CHRM3: variants seen among roughly 807,000 people sequenced by gnomAD.
The protein encoded by CHRM3 is muscarinic acetylcholine receptor M3.
CHRM3 carries 11 observed loss-of-function variants against 41.8 expected under a neutral mutation model. The ratio of observed to expected loss-of-function variants is 0.26; its 90% CI spans 0.17 to 0.44. The LOEUF is 0.44. Among genes scored for constraint, CHRM3 ranks in the 20% least tolerant of loss-of-function variants. CHRM3 has a pLI of 1.00. For missense variants in CHRM3, 571 were observed against 745.4 expected (o/e 0.77, Z 2.72); for synonymous variants, 297 against 301.4 (o/e 0.99, Z 0.15).
intron 5 of CHRM3, among the ~76,000 whole-genome samples, chr1:239,697,095 A>G (rs1660265085): frequency 6.6e-6 from 1 of 152,188 alleles, no homozygotes; most frequent in Non-Finnish European, 1.5e-5. Flanking sequence ...CATGAAGTAA[A>G]GTAAATATGC....
At chr1:239,585,828 G>T (rs545268850) in intron 3 of CHRM3, among the ~76,000 whole-genome samples, 1 of 152,188 alleles carries the variant, frequency 6.6e-6, no homozygotes. Context: ...AGAGCATGCA[G>T]TGAGAAAGAA....
At chr1:239,533,914 C>G (rs1206831188) in intron 2 of CHRM3, among the ~76,000 whole-genome samples, 1 of 152,062 alleles carries the variant, frequency 6.6e-6, no homozygotes, top group Admixed American at 6.6e-5. Context: ...TGGGTGAGGA[C>G]ACAGCCAAAC....
chr1:239,670,836 T>C (rs1309447214), intron 4 of CHRM3, among the ~76,000 whole-genome samples: 1 of 152,070 alleles, frequency 6.6e-6, no homozygotes, highest in Non-Finnish European at 1.5e-5. Context: ...TTGGGGTGAC[T>C]GTGGATAGTT....
chr1:239,521,239 C>T lies in CHRM3; in HGVS notation c.-421-24402C>T, dbSNP rs1669618072. ...CAGTTGCCAATATATAGACCAGTTT[C>T]AGGCTCTCCAGTGGTGGACAGATGG... On this transcript the variant is annotated intron_variant, in intron 2 of 6. Coordinates refer to ENST00000676153, the MANE Select transcript of CHRM3 (RefSeq NM_001375978.1). 3.9e-5 allele frequency among the ~76,000 whole-genome samples: 6 copies of T among 152,184 alleles called. No homozygotes were observed. In the South Asian group the frequency reaches 1.2e-3, roughly 31 times the overall value.
chr1:239,687,916 T>G (rs76026452), intron 5 of CHRM3, among the ~76,000 whole-genome samples: 7,746 of 152,200 alleles, frequency 0.051, 226 homozygotes, highest in East Asian at 0.076. Flanking sequence ...CACACAATAA[T>G]GAAATTACCT....
At chr1:239,804,353 A>G (rs1255998532) in intron 5 of CHRM3, among the ~76,000 whole-genome samples, 2 of 116,728 alleles carry the variant, frequency 1.7e-5, no homozygotes, top group Non-Finnish European at 3.9e-5. Context: ...TTTTTTTTTT[A>G]TTATTATTCA....
chr1:239,621,794 A>G (rs965582846), intron 3 of CHRM3, among the ~76,000 whole-genome samples: 1 of 152,194 alleles, frequency 6.6e-6, no homozygotes, highest in Non-Finnish European at 1.5e-5. Flanking sequence ...TAAAATTACA[A>G]GGTGAAGCAG....
intron 1 of CHRM3, among the ~76,000 whole-genome samples, chr1:239,464,192 A>T (rs1211926436): frequency 6.6e-6 from 1 of 151,706 alleles, no homozygotes; most frequent in East Asian, 1.9e-4. Context: ...AGGTATGAGA[A>T]TCACTTGAAC....
chr1:239,720,404 A>G (rs911745253), intron 5 of CHRM3, among the ~76,000 whole-genome samples: 9 of 151,984 alleles, frequency 5.9e-5, no homozygotes, highest in Non-Finnish European at 1.3e-4. Flanking sequence ...CTGCCTCTGA[A>G]ACCCCAAAAA....
chr1:239,574,828 C>T (rs1404824214), intron 3 of CHRM3, among the ~76,000 whole-genome samples: 1 of 151,748 alleles, frequency 6.6e-6, no homozygotes, highest in Non-Finnish European at 1.5e-5. Context: ...TCCTCCTCCT[C>T]TTCTTATTTT....
At chr1:239,456,094 C>T (rs375692799) in intron 1 of CHRM3, among the ~76,000 whole-genome samples, 1 of 152,136 alleles carries the variant, frequency 6.6e-6, no homozygotes, top group Non-Finnish European at 1.5e-5. Context: ...CATCTGATGC[C>T]GTGATCCTGG....
chr1:239,550,726 TACTA>T (rs1244018513), intron 3 of CHRM3, among the ~76,000 whole-genome samples: 6 of 152,214 alleles, frequency 3.9e-5, no homozygotes, highest in African/African-American at 1.2e-4. Flanking sequence ...TATCTGACTC[TACTA>T]ACTACCTTCT....
At chr1:239,710,308 T>C (rs1040963001) in intron 5 of CHRM3, among the ~76,000 whole-genome samples, 1 of 152,274 alleles carries the variant, frequency 6.6e-6, no homozygotes. Flanking sequence ...ACTACATCCA[T>C]ATTGTGGAAG....
intron 1 of CHRM3, among the ~76,000 whole-genome samples, chr1:239,420,561 A>G (rs548080956): frequency 1.3e-5 from 2 of 152,330 alleles, no homozygotes; most frequent in South Asian, 4.1e-4. Flanking sequence ...ATTAAGGAAC[A>G]TTATATTTTG....
chr1:239,527,840 T>A (rs1670099734), intron 2 of CHRM3, among the ~76,000 whole-genome samples: 2 of 152,258 alleles, frequency 1.3e-5, no homozygotes, highest in African/African-American at 4.8e-5. Context: ...TATTTAAATC[T>A]ATGTTATATA....
At chr1:239,404,427 AAAG>A (rs1660367887) in intron 1 of CHRM3, among the ~76,000 whole-genome samples, 1 of 108,242 alleles carries the variant, frequency 9.2e-6, no homozygotes, top group African/African-American at 3.7e-5. Flanking sequence ...AGAAAGAAAG[AAAG>A]AAAGAAAGAA....
intron 3 of CHRM3, among the ~76,000 whole-genome samples, chr1:239,572,795 G>A (rs1661952696): frequency 6.6e-6 from 1 of 152,118 alleles, no homozygotes; most frequent in African/African-American, 2.4e-5. Flanking sequence ...CATTTAAAGC[G>A]ATTATTTTTA....
chr1:239,439,531 A>G (rs565273126), intron 1 of CHRM3, among the ~76,000 whole-genome samples: 35 of 152,338 alleles, frequency 2.3e-4, no homozygotes, highest in African/African-American at 7.7e-4. Flanking sequence ...GAATTGAAAT[A>G]GGGTCAAAGA....
chr1:239,800,675 T>C (rs1393137547), intron 5 of CHRM3, among the ~76,000 whole-genome samples: 1 of 152,174 alleles, frequency 6.6e-6, no homozygotes, highest in Non-Finnish European at 1.5e-5. Flanking sequence ...AGGGATCTGG[T>C]GGAGTGCACC....
Sources: gnomAD v4.1 joint callset for allele counts (sites outside exome capture counted in the v4.1 genomes callset) on GRCh38, gnomAD v4.1.1 for gene constraint, MANE v1.5 for transcripts, NCBI Gene and HGNC (gene_info 2026-07-23, HGNC 2026-07-21) for gene names.